CHL1: variants seen among roughly 807,000 people sequenced by gnomAD.
The protein encoded by CHL1 is neural cell adhesion molecule L1-like protein.
In CHL1, 96 loss-of-function variants were observed where a neutral mutation model predicts 141.9. The observed-to-expected ratio is 0.68, with a 90% CI of 0.57 to 0.80. The LOEUF is 0.80. CHL1 is among the 30% of genes least tolerant of loss of function. The probability of loss-of-function intolerance (pLI) is 0.00; values close to 1 mark genes in which losing one functional copy is unlikely to be tolerated. For synonymous variants in CHL1, 613 were observed against 502.2 expected, an observed-to-expected ratio of 1.22 and a Z score of -2.95; for missense variants, 1,820 against 1,457.2, an observed-to-expected ratio of 1.25 and a Z score of -4.05.
chr3:283,966 A>G (rs1315030201), intron 2 of CHL1, among the ~76,000 whole-genome samples: 2 of 152,194 alleles, frequency 1.3e-5, no homozygotes, highest in African/African-American at 2.4e-5. Context: ...GCATTTACAT[A>G]TGTATTTTCC....
intron 2 of CHL1, among the ~76,000 whole-genome samples, chr3:314,315 C>CTT: frequency 8.6e-6 from 1 of 116,028 alleles, no homozygotes; most frequent in African/African-American, 3.4e-5. Context: ...CTCTTTCTCT[C>CTT]TCTCTCTCTA....
chr3:274,158 C>T (rs965635926), intron 2 of CHL1, among the ~76,000 whole-genome samples: 1 of 152,018 alleles, frequency 6.6e-6, no homozygotes, highest in Non-Finnish European at 1.5e-5. Flanking sequence ...CATTTTTTTC[C>T]CTCCTTGACT....
In CHL1 at chr3:349,437, G is replaced by A. The variant is rs1410807768; in HGVS notation, c.927G>A (p.Lys309=). 6.2e-6 allele frequency: 10 copies of A among 1,613,724 alleles called. No individual in the cohort carries two copies. The South Asian group carries it at 1.1e-4, about 18-fold the overall frequency. The change falls in exon 10 of 28, where the codon AAG becomes AAA. Residue 309 remains lysine (K), a synonymous_variant. Transcript: ENST00000256509. ...GAGAAACAAAAGAAAATTATGGCAA[G>A]ACTTTGAAGATAGAGAATGTCTCCT... The part of the protein sequence containing the change: ...KGRETKENYG[K]TLKIENVSYQ...
intron 19 of CHL1, among the ~76,000 whole-genome samples, chr3:388,258 T>C (rs9859111): frequency 0.012 from 1,880 of 152,318 alleles, 33 homozygotes; most frequent in African/African-American, 0.043. Context: ...CTAGAAATTA[T>C]TCCTCCAGGC....
At position 390,733 on chromosome 3, in the gene CHL1, G is replaced by C; in HGVS notation, c.2503G>C (p.Asp835His). The change falls in exon 21 of 28, where the codon GAC becomes CAC. Residue 835 changes from aspartate (D) to histidine (H), a missense_variant. Transcript: ENST00000256509. ...PDTAPVIHGV[D>H]VINSTLVKVT... ...TACAGCTCCAGTGATCCATGGGGTG[G>C]ACGTTATAAACAGTACATTAGTTAA... The C allele has an allele frequency of 1.2e-6, 2 of 1,608,646 alleles. No individual in the cohort carries two copies. The highest frequency in any genetic ancestry group is 1.7e-6 in the Non-Finnish European group (2 of 1,175,096).
At chr3:311,079 A>G (rs1201592597) in intron 2 of CHL1, among the ~76,000 whole-genome samples, 3 of 152,156 alleles carry the variant, frequency 2.0e-5, no homozygotes, top group Non-Finnish European at 4.4e-5. Context: ...TACCACTGAT[A>G]TTCCATTGTC....
At chr3:267,948 G>C (rs1012919587) in intron 2 of CHL1, among the ~76,000 whole-genome samples, 3 of 152,172 alleles carry the variant, frequency 2.0e-5, no homozygotes, top group South Asian at 2.1e-4. Flanking sequence ...GATCAGCTTT[G>C]TGTTGATGAT....
rs1349899907 is a variant in CHL1, at chr3:349,458, C to G, written c.948C>G (p.Val316=). The G allele has an allele frequency of 3.1e-6, 5 of 1,613,844 alleles. No individual in the cohort carries two copies. In the Admixed American group the frequency reaches 5.0e-5, roughly 16 times the overall value. Residue 316 remains valine (V), a synonymous_variant, in exon 10 of 28, where the codon GTC becomes GTG. Transcript: ENST00000256509. ...NYGKTLKIEN[V]SYQDKGNYRC... is the part of the protein sequence containing the mutation. ...GCAAGACTTTGAAGATAGAGAATGT[C>G]TCCTACCAGGACAAAGGAAATTATC... is the stretch of plus-strand genomic sequence containing the variant.
chr3:301,478 G>A (rs1464644949), intron 2 of CHL1, among the ~76,000 whole-genome samples: 1 of 152,202 alleles, frequency 6.6e-6, no homozygotes, highest in Non-Finnish European at 1.5e-5. Flanking sequence ...AGAGCCAGCA[G>A]CTATATTTTG....
intron 16 of CHL1, among the ~76,000 whole-genome samples, chr3:380,967 C>T (rs1706958152): frequency 1.3e-5 from 2 of 152,132 alleles, no homozygotes; most frequent in Non-Finnish European, 2.9e-5. Flanking sequence ...CAAATATGTA[C>T]TGGACAAACA....
chr3:246,919 CATG>C (rs1693225829), intron 2 of CHL1: 1 of 152,020 alleles, frequency 6.6e-6, no homozygotes, highest in Admixed American at 6.6e-5. Context: ...TGCAGAAGAT[CATG>C]ATAAAACATG....
chr3:378,214 C>T (rs1412620862), intron 16 of CHL1, among the ~76,000 whole-genome samples: 1 of 152,052 alleles, frequency 6.6e-6, no homozygotes, highest in Admixed American at 6.6e-5. Context: ...AAAAATAAAG[C>T]ACGCTTGAGT....
chr3:347,838 A>G (rs1702894900), intron 9 of CHL1, among the ~76,000 whole-genome samples: 1 of 152,214 alleles, frequency 6.6e-6, no homozygotes, highest in Non-Finnish European at 1.5e-5. Context: ...CAAGCGTGCC[A>G]TGTGCTCTTA....
At chr3:235,030 T>C (rs1368855815) in intron 1 of CHL1, among the ~76,000 whole-genome samples, 1 of 151,532 alleles carries the variant, frequency 6.6e-6, no homozygotes, top group Non-Finnish European at 1.5e-5. Flanking sequence ...ATACTTTAAG[T>C]TTTAGGGTAC....
chr3:349,294 G>A (rs530250972), intron 9 of CHL1, 65 bp from the exon 10 acceptor site: 2 of 1,379,578 alleles, frequency 1.4e-6, no homozygotes, highest in East Asian at 2.5e-5. Context: ...TGTGTCCTAA[G>A]GTTTTCTTTG....
intron 1 of CHL1, among the ~76,000 whole-genome samples, chr3:211,996 C>T (rs17329688): frequency 0.095 from 14,430 of 152,122 alleles, 919 homozygotes; most frequent in Non-Finnish European, 0.14. Context: ...AATGACAAGT[C>T]ATTTAGCCAC....
At position 389,452 on chromosome 3, in the gene CHL1, G is replaced by C; in HGVS notation, c.2448G>C (p.Val816=). Residue 816 remains valine (V), a synonymous_variant, in exon 20 of 28, where the codon GTG becomes GTC. Coordinates refer to ENST00000256509, the MANE Select transcript of CHL1 (RefSeq NM_006614.4). ...QLGSGPDPQS[V]TLYSGEDYPD... ...GATCTGGGCCTGACCCTCAGTCAGTGACTCTCTATTCTGGAGAAGACTGTA... is the reference window on the plus strand; with the variant it reads ...GATCTGGGCCTGACCCTCAGTCAGTCACTCTCTATTCTGGAGAAGACTGTA... 1 of 1,614,104 alleles carries C rather than the reference G, an allele frequency of 6.2e-7. No individual in the cohort carries two copies. Among genetic ancestry groups the C allele is most frequent in the Non-Finnish European group, 8.5e-7 (1 of 1,179,996 alleles).
At position 342,977 on chromosome 3, in the gene CHL1, A is replaced by C. The variant is rs755512754; in HGVS notation, c.680-7A>C. ...TTGTGTTTTTTCCTTCCGTTTTTTTATTTCAGTAAAGCATGCTAATGACTC... is the reference window on the plus strand; with the variant it reads ...TTGTGTTTTTTCCTTCCGTTTTTTTCTTTCAGTAAAGCATGCTAATGACTC... On this transcript the variant is annotated splice_region_variant and splice_polypyrimidine_tract_variant and intron_variant, in intron 7 of 27. Coordinates refer to ENST00000256509, the MANE Select transcript of CHL1 (RefSeq NM_006614.4). 6.2e-7 allele frequency: 1 copy of C among 1,602,206 alleles called. No homozygotes were observed. Among genetic ancestry groups the C allele is most frequent in the African/African-American group, 1.4e-5 (1 of 74,070 alleles).
Position 391,126 on chromosome 3 carries a change from A to G in CHL1, c.2758A>G (p.Ser920Gly). The change falls in exon 22 of 28, where the codon AGT becomes GGT. Residue 920 changes from serine (S) to glycine (G), a missense_variant. Transcript: ENST00000256509. ...AYNSKGAGPE[S>G]EPYIFQTPEG... Reference sequence around the variant, plus strand: ...TAACTCTAAAGGAGCTGGTCCTGAAAGTGAGCCTTATATATTTCAAACACC... The same window carrying G: ...TAACTCTAAAGGAGCTGGTCCTGAAGGTGAGCCTTATATATTTCAAACACC... 6.2e-7 allele frequency: 1 copy of G among 1,613,692 alleles called. No homozygotes were observed. Among genetic ancestry groups the G allele is most frequent in the Non-Finnish European group, 8.5e-7 (1 of 1,179,654 alleles).
Sources: allele counts gnomAD v4.1 joint callset (sites outside exome capture counted in the v4.1 genomes callset), GRCh38; gene constraint gnomAD v4.1.1; transcripts MANE v1.5; gene names NCBI Gene and HGNC (gene_info 2026-07-23, HGNC 2026-07-21).